Variants in ADCK1 observed in about 807,000 individuals in gnomAD.
The protein encoded by ADCK1 is aarF domain containing kinase 1, also known as aarF domain-containing protein kinase 1.
ADCK1 carries 41 observed loss-of-function variants against 52.3 expected under a neutral mutation model. The observed-to-expected ratio is 0.78, with a 90% CI of 0.61 to 1.02. The LOEUF (loss-of-function observed/expected upper bound fraction) is 1.02. Ranked by LOEUF, ADCK1 falls within the 50% of genes least tolerant of loss-of-function variation. The pLI, the probability that ADCK1 is intolerant of heterozygous loss-of-function variation, is 0.00. For synonymous variants in ADCK1, 250 were observed against 274.6 expected, an observed-to-expected ratio of 0.91 and a Z score of 0.89; for missense variants, 658 against 679.5, an observed-to-expected ratio of 0.97 and a Z score of 0.35.
chr14:77,856,079 G>A (rs1333407068), intron 3 of ADCK1, among the ~76,000 whole-genome samples: 2 of 151,882 alleles, frequency 1.3e-5, no homozygotes, highest in Admixed American at 6.6e-5. Flanking sequence ...GCGTGGTCGC[G>A]GGCCCCTGTA....
In ADCK1 at chr14:77,829,653, A is replaced by G. The variant is rs1429289691; in HGVS notation, c.219+7135A>G. On this transcript the variant is annotated intron_variant, in intron 3 of 10. Coordinates refer to ENST00000238561, the MANE Select transcript of ADCK1 (RefSeq NM_020421.4). The stretch of plus-strand genomic sequence containing the variant: ...ATTTTAGTCCAACATCACAGAGTCC[A>G]TATTAGCATTCTCCCTTTTTTAAAT... Among the ~76,000 whole-genome samples the G allele has an allele frequency of 1.3e-5, 2 of 151,460 alleles. 1 individual carries two copies. Among genetic ancestry groups the G allele is most frequent in the Non-Finnish European group, 3.0e-5 (2 of 67,700 alleles).
chr14:77,846,960 GC>G (rs142712725), intron 3 of ADCK1, among the ~76,000 whole-genome samples: 20,214 of 152,254 alleles, frequency 0.13, 1,414 homozygotes, highest in Middle Eastern at 0.19. Context: ...TCCTTGCTCT[GC>G]CCTTCATCCT....
At chr14:77,848,749 T>C (rs1470764060) in intron 3 of ADCK1, among the ~76,000 whole-genome samples, 5 of 151,768 alleles carry the variant, frequency 3.3e-5, no homozygotes, top group African/African-American at 4.8e-5. Flanking sequence ...TACAAAGACA[T>C]GAGTCACCAT....
rs762214700 is a variant in ADCK1 at position 77,835,013 on chromosome 14, G to A, written c.219+12495G>A. On this transcript the variant is annotated intron_variant, in intron 3 of 10. Transcript: ENST00000238561. ...AAAACCTCCAGCAGTTTTCTGACCC[G>A]CCCTGGACTGGGTGCTTCGGAGCTG... 4.3e-4 allele frequency among the ~76,000 whole-genome samples: 66 copies of A among 152,242 alleles called. No homozygotes were observed. In the Middle Eastern group the frequency reaches 0.027, roughly 63 times the overall value.
intron 3 of ADCK1, among the ~76,000 whole-genome samples, chr14:77,837,524 C>T (rs1335977113): frequency 2.0e-5 from 3 of 152,196 alleles, no homozygotes; most frequent in Non-Finnish European, 4.4e-5. Flanking sequence ...AGAACATGGA[C>T]ATATTGTTTT....
At chr14:77,853,053 G>C (rs896829184) in intron 3 of ADCK1, among the ~76,000 whole-genome samples, 4 of 129,034 alleles carry the variant, frequency 3.1e-5, no homozygotes, top group African/African-American at 1.1e-4. Flanking sequence ...TGCCTGGCCT[G>C]ATATTTTTTT....
chr14:77,837,544 C>A (rs1013882568), intron 3 of ADCK1, among the ~76,000 whole-genome samples: 1 of 152,190 alleles, frequency 6.6e-6, no homozygotes, highest in African/African-American at 2.4e-5. Flanking sequence ...TGGGGGCCAC[C>A]ATTCAACCCA....
chr14:77,873,885 G>A (rs2082840477), intron 4 of ADCK1, among the ~76,000 whole-genome samples: 1 of 152,234 alleles, frequency 6.6e-6, no homozygotes, highest in African/African-American at 2.4e-5. Flanking sequence ...GTCTTTATTA[G>A]CAGTGTGAGA....
chr14:77,908,601 C>G (rs952361042), intron 7 of ADCK1, among the ~76,000 whole-genome samples: 1 of 152,208 alleles, frequency 6.6e-6, no homozygotes, highest in African/African-American at 2.4e-5. Flanking sequence ...TCATAGTTCA[C>G]TGTAATCTGG....
chr14:77,914,028 G>A (rs1258612876), intron 7 of ADCK1, among the ~76,000 whole-genome samples: 1 of 152,150 alleles, frequency 6.6e-6, no homozygotes, highest in Non-Finnish European at 1.5e-5. Context: ...GGTTTAGCTG[G>A]TACTTTTAAA....
chr14:77,848,726 A>G (rs1311275913), intron 3 of ADCK1, among the ~76,000 whole-genome samples: 1 of 152,048 alleles, frequency 6.6e-6, no homozygotes, highest in Non-Finnish European at 1.5e-5. Context: ...TCAGCCTCCA[A>G]AAGTGCTGGG....
intron 9 of ADCK1, among the ~76,000 whole-genome samples, chr14:77,930,919 C>T (rs2084314696): frequency 6.6e-6 from 1 of 151,454 alleles, no homozygotes; most frequent in Admixed American, 6.6e-5. Context: ...GGCCAGACCC[C>T]AAACTTAAAG....
In ADCK1 at chr14:77,813,765, CTGTTTTTTTTT is replaced by C. The variant is rs774225450; in HGVS notation, c.-11-5189_-11-5179del. On this transcript the variant is annotated intron_variant, in intron 1 of 10. Transcript: ENST00000238561. The stretch of plus-strand genomic sequence containing the variant: ...TTCAGCAAAGCCTCTCTTTGTTTTC[CTGTTTTTTTTT>C]TGTTTTTTTTTTGAGGAGTCTCATG... Among the ~76,000 whole-genome samples, 27 of 150,408 alleles carry C rather than the reference CTGTTTTTTTTT, an allele frequency of 1.8e-4. 1 individual carries two copies. Among genetic ancestry groups the C allele is most frequent in the African/African-American group, 3.9e-4 (16 of 41,090 alleles).
chr14:77,877,199 G>A (rs1442649048), intron 4 of ADCK1, among the ~76,000 whole-genome samples: 1 of 152,116 alleles, frequency 6.6e-6, no homozygotes, highest in Non-Finnish European at 1.5e-5. Flanking sequence ...TGGGCAACAG[G>A]GTGAGACTCT....
At chr14:77,911,742 T>C (rs983200674) in intron 7 of ADCK1, among the ~76,000 whole-genome samples, 1 of 152,008 alleles carries the variant, frequency 6.6e-6, no homozygotes, top group African/African-American at 2.4e-5. Flanking sequence ...CTTTTTTTTT[T>C]TTTTTAAACC....
At chr14:77,924,327 C>A in intron 7 of ADCK1, 130 bp from the exon 8 acceptor site, 1 of 1,228,702 alleles carries the variant, frequency 8.1e-7, no homozygotes, top group Non-Finnish European at 1.1e-6. Context: ...ATCACTCCCA[C>A]CACAACCGCT....
intron 5 of ADCK1, among the ~76,000 whole-genome samples, chr14:77,895,516 A>G (rs2083389854): frequency 6.6e-6 from 1 of 152,200 alleles, no homozygotes; most frequent in South Asian, 2.1e-4. Context: ...TTTTATGGAG[A>G]AGATGCATTT....
At chr14:77,926,945 C>T (rs1387757467) in intron 9 of ADCK1, among the ~76,000 whole-genome samples, 1 of 152,172 alleles carries the variant, frequency 6.6e-6, no homozygotes, top group African/African-American at 2.4e-5. Flanking sequence ...TTTGCCAGAC[C>T]CACTTAGACT....
intron 6 of ADCK1, among the ~76,000 whole-genome samples, chr14:77,905,044 C>T (rs2083628112): frequency 6.6e-6 from 1 of 152,104 alleles, no homozygotes; most frequent in Admixed American, 6.6e-5. Context: ...CAGTCATTTC[C>T]ATGTTATGTC....
Sources: allele counts gnomAD v4.1 joint callset (sites outside exome capture counted in the v4.1 genomes callset), GRCh38; gene constraint gnomAD v4.1.1; transcripts MANE v1.5; gene names NCBI Gene and HGNC (gene_info 2026-07-23, HGNC 2026-07-21).